APBA2: variants seen among roughly 807,000 people sequenced by gnomAD.
APBA2 encodes the protein amyloid-beta A4 precursor protein-binding family A member 2.
Under a neutral mutation model 75.0 loss-of-function variants are expected in APBA2, and 30 were observed. The observed-to-expected ratio is 0.40, with a 90% CI of 0.30 to 0.54. APBA2 has a LOEUF of 0.54. APBA2 is among the 20% of genes least tolerant of loss of function. APBA2 has a pLI of 0.49. For missense variants in APBA2, 801 were observed against 1,016.1 expected (o/e 0.79, Z 2.88); for synonymous variants, 444 against 409.6 (o/e 1.08, Z -1.01).
rs139780163 is a variant in APBA2 at position 29,117,482 on chromosome 15, G to A, written c.*349G>A. 1,123 of 319,958 alleles carry A rather than the reference G, an allele frequency of 3.5e-3. 4 individuals are homozygous for A. Among genetic ancestry groups the A allele is most frequent in the Non-Finnish European group, 4.8e-3 (817 of 169,394 alleles). The allele number at this position is 319,958 out of a possible 1,614,324, so 19.8% of individuals were successfully genotyped here. A position where few individuals can be genotyped will look rare whatever the true frequency, so the allele number is the denominator to read the frequency against. On this transcript the variant is annotated 3_prime_UTR_variant, in exon 15 of 15. Transcript: ENST00000683413. ...CTGAAGCTGTGCGGAGCGAACTGGCGCCTCCGAGGGACGCGGCTCCCGGGG... is the reference window on the plus strand; with the variant it reads ...CTGAAGCTGTGCGGAGCGAACTGGCACCTCCGAGGGACGCGGCTCCCGGGG...
chr15:29,115,642 T>A (rs2045053522), intron 14 of APBA2, among the ~76,000 whole-genome samples: 1 of 152,180 alleles, frequency 6.6e-6, no homozygotes, highest in Non-Finnish European at 1.5e-5. Context: ...CCAGCAGCTC[T>A]GAGCCCACGC....
chr15:29,079,339 C>T (rs1247664734), intron 6 of APBA2, among the ~76,000 whole-genome samples: 1 of 152,134 alleles, frequency 6.6e-6, no homozygotes, highest in Non-Finnish European at 1.5e-5. Context: ...ATCAGAGAGT[C>T]CAGGAGGCAA....
At chr15:29,001,999 G>C (rs2038873843) in intron 3 of APBA2, among the ~76,000 whole-genome samples, 1 of 152,122 alleles carries the variant, frequency 6.6e-6, no homozygotes, top group African/African-American at 2.4e-5. Flanking sequence ...ACTATATTCT[G>C]AGGATTCCCA....
intron 4 of APBA2, among the ~76,000 whole-genome samples, chr15:29,056,323 C>G (rs958573181): frequency 2.6e-5 from 4 of 151,998 alleles, no homozygotes; most frequent in African/African-American, 9.7e-5. Context: ...TTTAAAAGGG[C>G]AGGTGGAGGT....
Position 28,988,548 on chromosome 15 carries a change from G to A in APBA2, c.-94-7205G>A, listed in dbSNP as rs540486959. On this transcript the variant is annotated intron_variant, in intron 2 of 14. Coordinates refer to ENST00000683413, the MANE Select transcript of APBA2 (RefSeq NM_001353788.2). ...CAAAATGCTAGGATTGCAGGCCTGA[G>A]CCACCGCGCCCATCCAGTGTGCCTT... Among the ~76,000 whole-genome samples, 3 of 152,294 alleles carry A rather than the reference G, an allele frequency of 2.0e-5. No individual in the cohort carries two copies. The South Asian group carries it at 6.2e-4, about 32-fold the overall frequency.
At chr15:28,938,303 G>A (rs1246190149) in intron 2 of APBA2, among the ~76,000 whole-genome samples, 15 of 152,146 alleles carry the variant, frequency 9.9e-5, no homozygotes, top group Admixed American at 8.5e-4. Context: ...AGCCACATGA[G>A]AAATAATACT....
chr15:28,907,222 T>C (rs1257093993), intron 1 of APBA2, among the ~76,000 whole-genome samples: 1 of 152,206 alleles, frequency 6.6e-6, no homozygotes, highest in East Asian at 1.9e-4. Flanking sequence ...TTTTCCAGCC[T>C]AATTTCCTAG....
intron 1 of APBA2, among the ~76,000 whole-genome samples, chr15:28,900,127 C>G (rs1171084135): frequency 6.6e-6 from 1 of 152,150 alleles, no homozygotes; most frequent in Non-Finnish European, 1.5e-5. Context: ...GAAGCAGAGC[C>G]TTTGTTTGCA....
At chr15:29,025,263 A>ATT (rs199811660) in intron 3 of APBA2, among the ~76,000 whole-genome samples, 4 of 138,098 alleles carry the variant, frequency 2.9e-5, no homozygotes, top group Non-Finnish European at 1.6e-5. Context: ...AAGAATTGGG[A>ATT]TTTTTTTTTT....
intron 1 of APBA2, 84 bp from the exon 2 acceptor site, chr15:28,921,556 A>C (rs2033971813): frequency 6.6e-6 from 1 of 152,174 alleles, no homozygotes; most frequent in African/African-American, 2.4e-5. Flanking sequence ...GTTGCCATCC[A>C]CACCTGCCCC....
intron 2 of APBA2, among the ~76,000 whole-genome samples, chr15:28,979,331 A>G (rs145144024): frequency 6.6e-6 from 1 of 152,264 alleles, no homozygotes; most frequent in African/African-American, 2.4e-5. Context: ...CACTCCTGTC[A>G]TGTGAGAACA....
intron 1 of APBA2, among the ~76,000 whole-genome samples, chr15:28,910,247 C>T (rs1345738202): frequency 6.6e-6 from 1 of 152,074 alleles, no homozygotes; most frequent in Non-Finnish European, 1.5e-5. Context: ...AAGGACTGAC[C>T]ATCTGTCAGA....
intron 2 of APBA2, among the ~76,000 whole-genome samples, chr15:28,929,570 G>A (rs1253874300): frequency 1.3e-5 from 2 of 152,164 alleles, no homozygotes; most frequent in South Asian, 2.1e-4. Context: ...GGGCAACAGC[G>A]TTGGCCCAGG....
At chr15:29,041,526 T>G (rs1232994722) in intron 3 of APBA2, among the ~76,000 whole-genome samples, 1 of 151,152 alleles carries the variant, frequency 6.6e-6, no homozygotes, top group Non-Finnish European at 1.5e-5. Context: ...AGGTATCATT[T>G]ACAATAGCAT....
intron 2 of APBA2, among the ~76,000 whole-genome samples, chr15:28,935,626 A>G (rs1595498345): frequency 6.6e-6 from 1 of 152,336 alleles, no homozygotes; most frequent in East Asian, 1.9e-4. Context: ...CAGGACTGGC[A>G]TGAGGAGGCA....
Position 29,059,917 on chromosome 15 carries a change from A to C in APBA2, c.951+5082A>C, listed in dbSNP as rs1466433260. Among the ~76,000 whole-genome samples the C allele has an allele frequency of 2.0e-5, 3 of 152,194 alleles. No individual in the cohort carries two copies. In the East Asian group the frequency reaches 5.8e-4, roughly 29 times the overall value. On this transcript the variant is annotated intron_variant, in intron 4 of 14. Transcript: ENST00000683413. ...TAAAGTCCCACGTTCGCTATAGCGG[A>C]GACACCAGCCAGCCTGGCCAGTGCT...
At chr15:28,964,747 G>C (rs61283385) in intron 2 of APBA2, among the ~76,000 whole-genome samples, 42,721 of 151,680 alleles carry the variant, frequency 0.28, 9,402 homozygotes, top group East Asian at 0.78. Context: ...CTCGGCCTCC[G>C]AAAGTGCTGG....
At chr15:28,920,257 T>G (rs977376573) in intron 1 of APBA2, among the ~76,000 whole-genome samples, 1 of 152,126 alleles carries the variant, frequency 6.6e-6, no homozygotes, top group African/African-American at 2.4e-5. Context: ...GCCAGGAAGA[T>G]TCTAGAGGAA....
In APBA2 at chr15:29,076,067, G is replaced by T. The variant is rs1004701257; in HGVS notation, c.1045G>T (p.Ala349Ser). Residue 349 changes from alanine (A) to serine (S), a missense_variant, in exon 6 of 15, where the codon GCA becomes TCA. Ala to Ser is a moderately conservative substitution (Grantham distance 99). Coordinates refer to ENST00000683413, the MANE Select transcript of APBA2 (RefSeq NM_001353788.2). Reference protein sequence around the residue: ...NNNIPETKKVASFPSFVAVPG... With the variant: ...NNNIPETKKVSSFPSFVAVPG... ...TATTTCCTAACAGACAAAGAAGGTG[G>T]CATCATTTCCAAGTTTTGTGGCTGG... The T allele has an allele frequency of 1.2e-6, 2 of 1,614,078 alleles. No homozygotes were observed. Among genetic ancestry groups the T allele is most frequent in the Non-Finnish European group, 1.7e-6 (2 of 1,179,968 alleles).
Sources: gnomAD v4.1 joint callset for allele counts (sites outside exome capture counted in the v4.1 genomes callset) on GRCh38, gnomAD v4.1.1 for gene constraint, MANE v1.5 for transcripts, NCBI Gene and HGNC (gene_info 2026-07-23, HGNC 2026-07-21) for gene names.